MMS22L: variants seen among roughly 807,000 people sequenced by gnomAD.
MMS22L encodes MMS22 like, DNA repair protein.
A neutral mutation model predicts 159.1 loss-of-function variants in MMS22L; 74 were observed. The ratio of observed to expected loss-of-function variants is 0.47; its 90% CI spans 0.39 to 0.56. The LOEUF is 0.56. MMS22L is among the 20% of genes least tolerant of loss of function. The probability of loss-of-function intolerance (pLI) is 0.00; values close to 1 mark genes in which losing one functional copy is unlikely to be tolerated. For synonymous variants in MMS22L, 517 were observed against 506.9 expected (o/e 1.02, Z -0.27); for missense variants, 1,351 against 1,422.1 (o/e 0.95, Z 0.80).
intron 9 of MMS22L, 114 bp from the exon 10 acceptor site, chr6:97,254,847 T>G (rs1813621194): frequency 1.3e-6 from 1 of 769,562 alleles, no homozygotes; most frequent in Non-Finnish European, 1.9e-6. Flanking sequence ...AACACATATA[T>G]AAAACTGAAA....
chr6:97,268,410 A>G (rs370541671), intron 7 of MMS22L, among the ~76,000 whole-genome samples: 6 of 151,940 alleles, frequency 3.9e-5, no homozygotes, highest in South Asian at 2.1e-4. Flanking sequence ...GGATGGTCTC[A>G]ATCTCCTGAC....
intron 11 of MMS22L, among the ~76,000 whole-genome samples, chr6:97,238,061 T>C (rs1270374211): frequency 6.6e-6 from 1 of 152,192 alleles, no homozygotes; most frequent in Non-Finnish European, 1.5e-5. Flanking sequence ...GAGTTAAACA[T>C]ATGAAAATTC....
rs1213393304 is a variant in MMS22L, at chr6:97,246,639, TGGAC to T, written c.1167_1170del (p.Ile391ValfsTer7). ...CTTTAATTGCATACCTGAACACTGA[TGGAC>T]TTTTTCAGCAGTTCTTCTACAAAGT... On this transcript the variant is annotated frameshift_variant, in exon 11 of 25. Transcript: ENST00000683635. LOFTEE classifies it high-confidence loss of function. 1 of 1,611,566 alleles carries T rather than the reference TGGAC, an allele frequency of 6.2e-7. No individual in the cohort carries two copies. The highest frequency in any genetic ancestry group is 1.7e-5 in the Admixed American group (1 of 59,700).
chr6:97,261,475 C>T (rs1031806326), intron 9 of MMS22L: 1 of 152,074 alleles, frequency 6.6e-6, no homozygotes, highest in Admixed American at 6.6e-5. Context: ...AATATATATT[C>T]TCTTATGGTT....
intron 14 of MMS22L, among the ~76,000 whole-genome samples, chr6:97,225,659 G>T (rs1026846805): frequency 1.3e-5 from 2 of 150,528 alleles, no homozygotes; most frequent in African/African-American, 4.9e-5. Flanking sequence ...TGCAAGCTCC[G>T]CCTCCCGGGT....
At chr6:97,159,948 GTTTTTTTTT>G (rs368455553) in intron 22 of MMS22L, among the ~76,000 whole-genome samples, 1 of 97,180 alleles carries the variant, frequency 1.0e-5, no homozygotes, top group African/African-American at 4.0e-5. Flanking sequence ...TATCATTTCT[GTTTTTTTTT>G]TTTTTTTTTT....
At chr6:97,179,941 C>T (rs1046489550) in intron 16 of MMS22L, among the ~76,000 whole-genome samples, 29 of 152,048 alleles carry the variant, frequency 1.9e-4, no homozygotes, top group Non-Finnish European at 7.4e-5. Flanking sequence ...TATCAGTGTC[C>T]GTTAGAATAA....
At chr6:97,201,419 T>C (rs1375569241) in intron 14 of MMS22L, among the ~76,000 whole-genome samples, 1 of 152,154 alleles carries the variant, frequency 6.6e-6, no homozygotes, top group Non-Finnish European at 1.5e-5. Flanking sequence ...TAATTTTCTG[T>C]CATTCAGGAA....
intron 14 of MMS22L, among the ~76,000 whole-genome samples, 171 bp from the exon 15 acceptor site, chr6:97,186,861 C>T (rs940046271): frequency 6.6e-6 from 1 of 152,058 alleles, no homozygotes; most frequent in South Asian, 2.1e-4. Flanking sequence ...TGAATGATGG[C>T]ATATTAAGCA....
At chr6:97,245,743 T>A (rs2128039072) in intron 11 of MMS22L, among the ~76,000 whole-genome samples, 1 of 152,132 alleles carries the variant, frequency 6.6e-6, no homozygotes, top group South Asian at 2.1e-4. Context: ...TGATTCATAT[T>A]ATAACTAAAT....
At chr6:97,243,104 T>C (rs1035874192) in intron 11 of MMS22L, among the ~76,000 whole-genome samples, 9 of 152,202 alleles carry the variant, frequency 5.9e-5, no homozygotes, top group African/African-American at 1.9e-4. Flanking sequence ...GAGCTTCTTG[T>C]ATTTGGATGT....
intron 6 of MMS22L, 127 bp from the exon 7 acceptor site, chr6:97,270,119 G>T: frequency 1.4e-6 from 1 of 701,434 alleles, no homozygotes. Context: ...CTATTCAAAA[G>T]CTCAGGGAAA....
rs754233587 is a variant in MMS22L, at chr6:97,254,655, C to T, written c.1021G>A (p.Val341Ile). The T allele has an allele frequency of 6.2e-7, 1 of 1,613,434 alleles. No homozygotes were observed. Among genetic ancestry groups the T allele is most frequent in the Non-Finnish European group, 8.5e-7 (1 of 1,179,676 alleles). Residue 341 changes from valine to isoleucine, a missense_variant, in exon 10 of 25, where the codon GTA becomes ATA. Transcript: ENST00000683635. ...CCTAATGGATCCCTGGACTGGATTACAGGCATAGAGGATCTTCTTCGGTCA... is the reference window on the plus strand; with the variant it reads ...CCTAATGGATCCCTGGACTGGATTATAGGCATAGAGGATCTTCTTCGGTCA... The part of the protein sequence containing the change: ...SSDRRRSSMP[V>I]IQSRDPLGFS...
At chr6:97,217,639 C>T (rs1241308394) in intron 14 of MMS22L, among the ~76,000 whole-genome samples, 1 of 152,146 alleles carries the variant, frequency 6.6e-6, no homozygotes, top group Non-Finnish European at 1.5e-5. Context: ...TCAGCTCTGA[C>T]CTAGATTACA....
intron 23 of MMS22L, among the ~76,000 whole-genome samples, chr6:97,151,274 T>G (rs1368711532): frequency 6.6e-6 from 1 of 152,230 alleles, no homozygotes; most frequent in African/African-American, 2.4e-5. Context: ...CTTTTCTATG[T>G]TTGGATACAT....
chr6:97,277,399 G>A (rs1258422541), intron 4 of MMS22L, among the ~76,000 whole-genome samples: 1 of 152,028 alleles, frequency 6.6e-6, no homozygotes, highest in African/African-American at 2.4e-5. Flanking sequence ...GGGTGACAGA[G>A]CGAGACTCCA....
intron 7 of MMS22L, among the ~76,000 whole-genome samples, chr6:97,269,356 A>G (rs139284946): frequency 7.6e-4 from 116 of 152,228 alleles, no homozygotes; most frequent in Non-Finnish European, 1.4e-3. Flanking sequence ...CAGCATATAC[A>G]TATTAAAACT....
chr6:97,201,978 A>T (rs1807218303), intron 14 of MMS22L, among the ~76,000 whole-genome samples: 1 of 152,214 alleles, frequency 6.6e-6, no homozygotes, highest in African/African-American at 2.4e-5. Context: ...GAAAGCCTAC[A>T]AATGTTTCCA....
At chr6:97,188,216 G>A (rs190451727) in intron 14 of MMS22L, among the ~76,000 whole-genome samples, 2 of 152,250 alleles carry the variant, frequency 1.3e-5, no homozygotes, top group African/African-American at 4.8e-5. Context: ...TGGAATCCAT[G>A]TAAAATAATA....
Sources: gnomAD v4.1 joint callset for allele counts (sites outside exome capture counted in the v4.1 genomes callset) on GRCh38, gnomAD v4.1.1 for gene constraint, MANE v1.5 for transcripts, NCBI Gene and HGNC (gene_info 2026-07-23, HGNC 2026-07-21) for gene names.